Variants in DLAT observed in about 807,000 individuals in gnomAD.
The protein encoded by DLAT is dihydrolipoamide S-acetyltransferase.
In DLAT, 43 loss-of-function variants were observed where a neutral mutation model predicts 68.0. That is an observed-to-expected ratio of 0.63 (90% CI 0.50 to 0.81). The LOEUF (loss-of-function observed/expected upper bound fraction) is 0.81, where lower values mean the gene tolerates loss of function less well. DLAT is among the 40% of genes least tolerant of loss of function. The pLI is 0.00. For missense variants in DLAT, 745 were observed against 815.4 expected (o/e 0.91, Z 1.05); for synonymous variants, 265 against 288.6 (o/e 0.92, Z 0.83).
rs1363943528 is a variant in DLAT at position 112,062,618 on chromosome 11, C to A, written c.*83C>A. 3 of 1,471,490 alleles carry A rather than the reference C, an allele frequency of 2.0e-6. No homozygotes were observed. Among genetic ancestry groups the A allele is most frequent in the East Asian group, 2.4e-5 (1 of 42,466 alleles). 91.2% of individuals were successfully genotyped at this position (1,471,490 alleles called of 1,614,324 possible). A position where few individuals can be genotyped will look rare whatever the true frequency, so the allele number is the denominator to read the frequency against. On this transcript the variant is annotated 3_prime_UTR_variant, in exon 14 of 14. Coordinates refer to ENST00000280346, the MANE Select transcript of DLAT (RefSeq NM_001931.5). The stretch of plus-strand genomic sequence containing the variant: ...TTTATATGTTATTAAACAGGTGGTT[C>A]TTTTTATTTTAACCAGTTATTTTTA...
Position 112,025,444 on chromosome 11 carries a change from GT to G in DLAT, c.-25del. On this transcript the variant is annotated 5_prime_UTR_variant, in exon 1 of 14. Transcript: ENST00000280346. ...AGAGGTCACTCCGGAGACGGCGTTG[GT>G]TTTGGGGTGTGGGGGGTTGGTGGCA... 6.2e-7 allele frequency: 1 copy of G among 1,604,398 alleles called. No homozygotes were observed. The highest frequency in any genetic ancestry group is 8.5e-7 in the Non-Finnish European group (1 of 1,177,434).
At chr11:112,033,202 G>C (rs1386065136) in intron 4 of DLAT, among the ~76,000 whole-genome samples, 1 of 152,208 alleles carries the variant, frequency 6.6e-6, no homozygotes, top group Non-Finnish European at 1.5e-5. Flanking sequence ...GTGTGGGCGA[G>C]AGTATAAGAG....
At chr11:112,060,678 C>T (rs1864542111) in intron 12 of DLAT, among the ~76,000 whole-genome samples, 2 of 151,920 alleles carry the variant, frequency 1.3e-5, no homozygotes, top group Non-Finnish European at 2.9e-5. Context: ...GTTGGCCAGG[C>T]TGGTTTCAAA....
Position 112,051,030 on chromosome 11 carries a change from T to C in DLAT, c.1399-204T>C, listed in dbSNP as rs1225611714. Among the ~76,000 whole-genome samples, 1 of 152,174 alleles carries C rather than the reference T, an allele frequency of 6.6e-6. No individual in the cohort carries two copies. The highest frequency in any genetic ancestry group is 1.9e-4 in the East Asian group (1 of 5,198). ...TGGTGAGAGAATTTAGAAACTACAGTTGTCCGGGGAGGGAAAGCATTAGGA... is the reference window on the plus strand; with the variant it reads ...TGGTGAGAGAATTTAGAAACTACAGCTGTCCGGGGAGGGAAAGCATTAGGA... On this transcript the variant is annotated intron_variant, in intron 10 of 13. Coordinates refer to ENST00000280346, the MANE Select transcript of DLAT (RefSeq NM_001931.5). This position sits in a 1 kb window ranked among gnomAD's most constrained non-coding sequence, Gnocchi z 4.3.
At position 112,025,753 on chromosome 11, in the gene DLAT, TGAGCCCTAGACCC is replaced by T; in HGVS notation, c.279+3_279+15del. ...TACAGTCTTCCCCCGCATCAGAAGG[TGAGCCCTAGACCC>T]CCCTTCTCGGGACCCCGTTGTCCTT... On this transcript the variant is annotated splice_donor_5th_base_variant and intron_variant, in intron 1 of 13. Coordinates refer to ENST00000280346, the MANE Select transcript of DLAT (RefSeq NM_001931.5). The T allele has an allele frequency of 1.2e-6, 2 of 1,613,036 alleles. No individual in the cohort carries two copies. The highest frequency in any genetic ancestry group is 1.7e-6 in the Non-Finnish European group (2 of 1,179,930).
intron 7 of DLAT, among the ~76,000 whole-genome samples, chr11:112,040,278 G>A (rs1862983271): frequency 6.6e-6 from 1 of 152,192 alleles, no homozygotes; most frequent in Non-Finnish European, 1.5e-5. Context: ...CTTGTACTAT[G>A]TGTCAGTCAT....
chr11:112,048,142 C>CT (rs1387091196), intron 10 of DLAT, among the ~76,000 whole-genome samples: 7 of 152,080 alleles, frequency 4.6e-5, no homozygotes, highest in Non-Finnish European at 1.0e-4. Context: ...CTCTTATTTC[C>CT]TTGAGCAGTG....
chr11:112,046,243 C>T (rs587642389), intron 10 of DLAT, among the ~76,000 whole-genome samples: 1 of 152,092 alleles, frequency 6.6e-6, no homozygotes, highest in East Asian at 1.9e-4. Flanking sequence ...CAGTTTTATA[C>T]TTTTAGTTCT....
At chr11:112,026,149 A>C in intron 1 of DLAT, 49 bp from the exon 2 acceptor site, 1 of 1,337,478 alleles carries the variant, frequency 7.5e-7, no homozygotes, top group Non-Finnish European at 1.1e-6. Context: ...CCAGACTGAG[A>C]GTTAGGTAGT....
intron 11 of DLAT, among the ~76,000 whole-genome samples, chr11:112,055,162 G>A (rs1385728023): frequency 6.6e-6 from 1 of 151,646 alleles, no homozygotes; most frequent in Non-Finnish European, 1.5e-5. Flanking sequence ...CTGACTCGTG[G>A]AGAGTTTTCT....
intron 5 of DLAT, among the ~76,000 whole-genome samples, chr11:112,035,116 A>G (rs1465454412): frequency 6.6e-6 from 1 of 152,158 alleles, no homozygotes; most frequent in Non-Finnish European, 1.5e-5. Flanking sequence ...GCCTTTCCCA[A>G]AGATGTAATG....
Position 112,030,385 on chromosome 11 carries a change from G to A in DLAT, c.660+1440G>A, listed in dbSNP as rs587646595. 15 of 378,886 alleles carry A rather than the reference G, an allele frequency of 4.0e-5. No individual in the cohort carries two copies. In the African/African-American group the frequency reaches 6.1e-4, roughly 15 times the overall value. The allele number at this position is 378,886 out of a possible 1,614,324, so 23.5% of individuals were successfully genotyped here. A position where few individuals can be genotyped will look rare whatever the true frequency, so the allele number is the denominator to read the frequency against. ...ACCACCATGGCTCTGACCCGGAAAC[G>A]GAAGTCGGGGGATCATATTTCAGCA... is the stretch of plus-strand genomic sequence containing the variant. On this transcript the variant is annotated intron_variant, in intron 4 of 13. Transcript: ENST00000280346.
chr11:112,035,094 C>T (rs1173563799), intron 5 of DLAT, among the ~76,000 whole-genome samples: 1 of 152,094 alleles, frequency 6.6e-6, no homozygotes, highest in Non-Finnish European at 1.5e-5. Flanking sequence ...TCATAATCAC[C>T]ACCAAAGGGA....
intron 10 of DLAT, among the ~76,000 whole-genome samples, chr11:112,048,487 G>A (rs1863441142): frequency 1.3e-5 from 2 of 152,264 alleles, no homozygotes; most frequent in South Asian, 4.1e-4. Context: ...GCCCTGGCCA[G>A]AACTTCCAAT....
chr11:112,049,380 ATTAG>A (rs1863494828), intron 10 of DLAT, among the ~76,000 whole-genome samples: 1 of 152,122 alleles, frequency 6.6e-6, no homozygotes, highest in South Asian at 2.1e-4. Flanking sequence ...ATGCCCCTGT[ATTAG>A]TTAGGTGTTC....
chr11:112,045,113 A>G, intron 8 of DLAT, 25 bp from the exon 9 acceptor site: 1 of 1,585,754 alleles, frequency 6.3e-7, no homozygotes, highest in Non-Finnish European at 8.7e-7. Context: ...CACAGTTACT[A>G]AGAGCTTTTT....
intron 2 of DLAT, among the ~76,000 whole-genome samples, 178 bp downstream of exon 2, chr11:112,026,477 C>T (rs587747134): frequency 8.6e-5 from 13 of 151,936 alleles, no homozygotes; most frequent in African/African-American, 1.7e-4. Flanking sequence ...TGCGGCCTTC[C>T]GCAGTGTTTG....
intron 11 of DLAT, among the ~76,000 whole-genome samples, chr11:112,052,423 C>T (rs1183842201): frequency 6.6e-6 from 1 of 152,210 alleles, no homozygotes; most frequent in Non-Finnish European, 1.5e-5. Context: ...TGACTGGCTA[C>T]AAACTTGTTG....
intron 4 of DLAT, among the ~76,000 whole-genome samples, chr11:112,032,852 G>A (rs1862487264): frequency 6.6e-6 from 1 of 152,150 alleles, no homozygotes; most frequent in Non-Finnish European, 1.5e-5. Flanking sequence ...GATTACTTGT[G>A]GATGGGCGTT....
Sources: gnomAD v4.1 joint callset for allele counts (sites outside exome capture counted in the v4.1 genomes callset) on GRCh38, gnomAD v4.1.1 for gene constraint, Gnocchi (gnomAD v3.1) non-coding constraint, MANE v1.5 for transcripts, NCBI Gene and HGNC (gene_info 2026-07-23, HGNC 2026-07-21) for gene names.